The following WDR90 variants were observed in gnomAD, a reference collection of about 807,000 sequenced individuals.
WDR90 encodes WD repeat domain 90, also known as WD repeat-containing protein 90.
In WDR90, 238 loss-of-function variants were observed where a neutral mutation model predicts 195.2. The ratio of observed to expected loss-of-function variants is 1.22; its 90% CI spans 1.10 to 1.36. The LOEUF (loss-of-function observed/expected upper bound fraction) is 1.36, where lower values mean the gene tolerates loss of function less well. Among genes scored for constraint, WDR90 ranks in the 40% most tolerant of loss-of-function variants. WDR90 has a pLI of 0.00. For synonymous variants in WDR90, 1,265 were observed against 1,052.4 expected (o/e 1.20, Z -3.91); for missense variants, 2,734 against 2,439.5 (o/e 1.12, Z -2.54).
chr16:656,976 C>T, intron 19 of WDR90, 105 bp downstream of exon 19: 1 of 1,551,512 alleles, frequency 6.4e-7, no homozygotes, highest in African/African-American at 1.4e-5. Flanking sequence ...TGGAGCCCCA[C>T]CCTTTGCTGC....
chr16:657,066 A>T (rs1401086811), intron 19 of WDR90, 25 bp from the exon 20 acceptor site: 5 of 1,594,466 alleles, frequency 3.1e-6, no homozygotes, highest in African/African-American at 2.7e-5. Context: ...GGCTAGGGCC[A>T]GCGGGGTCCC....
chr16:649,934 C>T, intron 2 of WDR90, 57 bp from the exon 3 acceptor site: 5 of 1,604,608 alleles, frequency 3.1e-6, no homozygotes, highest in South Asian at 1.1e-5. Context: ...AGGGCCCCCT[C>T]GCCCCCGCTG....
rs766373446 is a variant in WDR90 at position 650,579 on chromosome 16, C to A, written c.429C>A (p.Cys143Ter). Residue 143 changes from cysteine to a stop codon, truncating the protein, a stop_gained, in exon 5 of 41, where the codon TGC becomes TGA. Coordinates refer to ENST00000293879, the MANE Select transcript of WDR90 (RefSeq NM_145294.5). LOFTEE classifies it high-confidence loss of function. ...GLAPSGARWT[C>*]LQLDLQDVLL... Reference sequence around the variant, plus strand: ...CCCCCTCCGGAGCCCGCTGGACCTGCCTGCAGCTCGATCTGCAGGACGTTC... The same window carrying A: ...CCCCCTCCGGAGCCCGCTGGACCTGACTGCAGCTCGATCTGCAGGACGTTC... 6.2e-7 allele frequency: 1 copy of A among 1,612,440 alleles called. No individual in the cohort carries two copies. The highest frequency in any genetic ancestry group is 8.5e-7 in the Non-Finnish European group (1 of 1,179,650).
chr16:662,104 G>A, intron 32 of WDR90, 45 bp downstream of exon 32: 1 of 1,578,284 alleles, frequency 6.3e-7, no homozygotes, highest in Non-Finnish European at 8.6e-7. Context: ...ACCCCTACCT[G>A]GGATCCTCAG....
chr16:667,079 G>GTCT, intron 40 of WDR90, 90 bp downstream of exon 40: 4 of 1,371,658 alleles, frequency 2.9e-6, no homozygotes, highest in South Asian at 1.2e-5. Context: ...TGCCTCACCT[G>GTCT]TGCCCCGGGC....
chr16:649,353 G>T, upstream of WDR90: 13 of 1,321,244 alleles, frequency 9.8e-6, no homozygotes, highest in Non-Finnish European at 1.3e-5. Flanking sequence ...GTTGCCTGGC[G>T]TCGCGGGGCG....
intron 1 of WDR90, 141 bp downstream of exon 1, chr16:649,567 G>A: frequency 8.4e-7 from 1 of 1,193,888 alleles, no homozygotes; most frequent in Non-Finnish European, 1.1e-6. Flanking sequence ...TCTGCCGGGC[G>A]CCCACCCTCG....
chr16:657,590 G>C (rs1000694650), intron 20 of WDR90, among the ~76,000 whole-genome samples, 172 bp from the exon 21 acceptor site: 1 of 152,222 alleles, frequency 6.6e-6, no homozygotes, highest in African/African-American at 2.4e-5. Context: ...AGCTCCCCTG[G>C]CAGCGCCTGG....
chr16:666,095 C>T lies in WDR90; in HGVS notation c.4580C>T (p.Ala1527Val), dbSNP rs768983373. 15 of 1,610,244 alleles carry T rather than the reference C, an allele frequency of 9.3e-6. No individual in the cohort carries two copies. The highest frequency in any genetic ancestry group is 1.1e-5 in the South Asian group (1 of 91,050). Residue 1527 changes from alanine (A) to valine (V), a missense_variant, in exon 36 of 41, where the codon GCG becomes GTG. Ala to Val is a moderately conservative substitution (Grantham distance 64, BLOSUM62 0). Transcript: ENST00000293879. ...MELKMHPHPV[A>V]LTTVAFSTDG... ...CTCAAGATGCACCCCCACCCGGTGG[C>T]GCTGACCACTGTTGCCTTCTCCACC...
chr16:651,933 C>T lies in WDR90; in HGVS notation c.947C>T (p.Pro316Leu). Reference protein sequence around the residue: ...ADGPGFHSLEPWAQLEASDIH... With the variant: ...ADGPGFHSLELWAQLEASDIH... The stretch of plus-strand genomic sequence containing the variant: ...GGCCCCGGTTTCCATAGCCTTGAGC[C>T]CTGGGCCCAGCTGGAGGCCTCTGAC... Residue 316 changes from proline (P) to leucine (L), a missense_variant, in exon 9 of 41, where the codon CCC (proline) becomes CTC (leucine). Pro to Leu is a moderately conservative substitution (Grantham distance 98). Transcript: ENST00000293879. 2.5e-6 allele frequency: 4 copies of T among 1,609,706 alleles called. No individual in the cohort carries two copies. The South Asian group carries it at 4.4e-5, about 18-fold the overall frequency.
In WDR90 at chr16:651,225, C is replaced by T. The variant is rs749590183; in HGVS notation, c.695C>T (p.Pro232Leu). The T allele has an allele frequency of 5.0e-6, 8 of 1,613,118 alleles. No homozygotes were observed. In the South Asian group the frequency reaches 5.5e-5, roughly 11 times the overall value. Reference sequence around the variant, plus strand: ...TTTCCAAGTGAGAGCTTGAAAGTGCCTTCCAAGCCGATTGAGAAGAGCTGT... The same window carrying T: ...TTTCCAAGTGAGAGCTTGAAAGTGCTTTCCAAGCCGATTGAGAAGAGCTGT... ...VRFPSESLKV[P>L]SKPIEKSCSP... Residue 232 changes from proline (P) to leucine (L), a missense_variant, in exon 7 of 41, where the codon CCT (proline) becomes CTT (leucine). Coordinates refer to ENST00000293879, the MANE Select transcript of WDR90 (RefSeq NM_145294.5).
intron 19 of WDR90, 94 bp from the exon 20 acceptor site, chr16:656,996 AC>A: frequency 6.4e-7 from 1 of 1,558,934 alleles, no homozygotes; most frequent in Non-Finnish European, 8.6e-7. Flanking sequence ...CCCCATGGGG[AC>A]TTCCATGGCC....
At chr16:650,429 G>A (rs2151144724) in intron 4 of WDR90, 67 bp downstream of exon 4, 1 of 1,592,668 alleles carries the variant, frequency 6.3e-7, no homozygotes, top group East Asian at 2.3e-5. Context: ...CAGGCCCAGT[G>A]AGGCTCCTCT....
Position 667,763 on chromosome 16 carries a change from C to T in WDR90, c.*174C>T, listed in dbSNP as rs1486656480. 23 of 867,084 alleles carry T rather than the reference C, an allele frequency of 2.7e-5. No individual in the cohort carries two copies. Among genetic ancestry groups the T allele is most frequent in the East Asian group, 5.4e-5 (2 of 37,248 alleles). The allele number at this position is 867,084 out of a possible 1,614,324, so 53.7% of individuals were successfully genotyped here. ...TTGGCGCCCTGTGAATACTTTCATA[C>T]CTGTTGCCCTTTTGCCTAAGAAATC... On this transcript the variant is annotated 3_prime_UTR_variant, in exon 41 of 41. Coordinates refer to ENST00000293879, the MANE Select transcript of WDR90 (RefSeq NM_145294.5).
In WDR90 at chr16:656,756, G is replaced by A. The variant is rs369406669; in HGVS notation, c.2227G>A (p.Asp743Asn). The A allele has an allele frequency of 5.0e-6, 8 of 1,613,170 alleles. 1 individual carries two copies. The highest frequency in any genetic ancestry group is 2.2e-5 in the South Asian group (2 of 91,084). ...QQLYDFTSSEDAPCAVTFHPT... is the reference protein window; with the variant it reads ...QQLYDFTSSENAPCAVTFHPT... Reference sequence around the variant, plus strand: ...GCTATACGACTTCACATCATCAGAGGACGCCCCGTGCGCTGTCACCTTCCA... The same window carrying A: ...GCTATACGACTTCACATCATCAGAGAACGCCCCGTGCGCTGTCACCTTCCA... Residue 743 changes from aspartate to asparagine, a missense_variant, in exon 19 of 41, where the codon GAC becomes AAC. Asp to Asn is a conservative substitution (Grantham distance 23, BLOSUM62 1). Coordinates refer to ENST00000293879, the MANE Select transcript of WDR90 (RefSeq NM_145294.5).
chr16:656,614 G>A (rs1328997402), intron 18 of WDR90, 77 bp downstream of exon 18: 9 of 1,570,344 alleles, frequency 5.7e-6, no homozygotes, highest in African/African-American at 1.4e-5. Context: ...GGGGTGAGAG[G>A]GGCCTATAGG....
chr16:660,728 G>A lies in WDR90; in HGVS notation c.3391+14G>A. 6 of 1,540,338 alleles carry A rather than the reference G, an allele frequency of 3.9e-6. No homozygotes were observed. The highest frequency in any genetic ancestry group is 5.3e-6 in the Non-Finnish European group (6 of 1,137,226). ...GGCCGGACACAGGTGGGGGCCAAGA[G>A]CCTACCCCCACCCCCAGCCAAGATG... On this transcript the variant is annotated intron_variant, in intron 28 of 40. Transcript: ENST00000293879.
At chr16:652,654 C>G in intron 10 of WDR90, 119 bp downstream of exon 10, 1 of 1,117,228 alleles carries the variant, frequency 9.0e-7, no homozygotes, top group East Asian at 3.0e-5. Flanking sequence ...GCTCCCGAGC[C>G]CCCCTGGCAC....
chr16:649,811 A>C lies in WDR90; in HGVS notation c.59A>C (p.Glu20Ala). ...LNVFRHFRVDEWKRSAKQGDV... is the reference protein window; with the variant it reads ...LNVFRHFRVDAWKRSAKQGDV... ...GTCTTCAGACACTTCCGGGTGGACG[A>C]GTGGAAGCGCTCCGCCAAGCAGGGG... is the stretch of plus-strand genomic sequence containing the variant. The change falls in exon 2 of 41, where the codon GAG (glutamate) becomes GCG (alanine). Residue 20 changes from glutamate to alanine, a missense_variant. Physicochemically the swap from Glu to Ala is moderately radical, Grantham distance 107. Coordinates refer to ENST00000293879, the MANE Select transcript of WDR90 (RefSeq NM_145294.5). 1 of 1,581,598 alleles carries C rather than the reference A, an allele frequency of 6.3e-7. No homozygotes were observed. The highest frequency in any genetic ancestry group is 8.6e-7 in the Non-Finnish European group (1 of 1,164,450).
Sources: gnomAD v4.1 joint callset for allele counts (sites outside exome capture counted in the v4.1 genomes callset) on GRCh38, gnomAD v4.1.1 for gene constraint, MANE v1.5 for transcripts, NCBI Gene and HGNC (gene_info 2026-07-23, HGNC 2026-07-21) for gene names.